The following SUGCT variants were observed in gnomAD, a reference collection of about 807,000 sequenced individuals.
SUGCT encodes succinyl-CoA:glutarate-CoA transferase.
In SUGCT, 41 loss-of-function variants were observed where a neutral mutation model predicts 55.0. The observed-to-expected ratio is 0.74, with a 90% CI of 0.58 to 0.97. The LOEUF is 0.97. Ranked by LOEUF, SUGCT falls within the 50% of genes least tolerant of loss-of-function variation. SUGCT has a pLI of 0.00. For missense variants in SUGCT, 568 were observed against 547.8 expected (o/e 1.04, Z -0.37); for synonymous variants, 187 against 200.4 (o/e 0.93, Z 0.56).
the SUGCT span, among the ~76,000 whole-genome samples, chr7:40,884,901 T>C: frequency 1.3e-5 from 2 of 152,196 alleles, no homozygotes; most frequent in African/African-American, 4.8e-5. Context: ...GTCATAGTGG[T>C]TAAGAGCAGA....
intron 7 of SUGCT, among the ~76,000 whole-genome samples, chr7:40,245,924 G>T (rs1789843702): frequency 6.6e-6 from 1 of 151,782 alleles, no homozygotes; most frequent in Non-Finnish European, 1.5e-5. Flanking sequence ...GCTCACTGCA[G>T]TCTGGGCTGA....
chr7:40,160,521 GC>G (rs1784093582), intron 1 of SUGCT, among the ~76,000 whole-genome samples: 1 of 152,134 alleles, frequency 6.6e-6, no homozygotes, highest in Non-Finnish European at 1.5e-5. Flanking sequence ...GAGCCACCAT[GC>G]CCAGATGAAA....
intron 1 of SUGCT, among the ~76,000 whole-genome samples, chr7:40,151,410 G>C (rs1291490498): frequency 1.3e-5 from 2 of 152,178 alleles, no homozygotes; most frequent in African/African-American, 2.4e-5. Flanking sequence ...CTTTTCACTG[G>C]CTTCAGCTGC....
chr7:40,338,977 C>T (rs1240094429), intron 9 of SUGCT, among the ~76,000 whole-genome samples: 1 of 152,242 alleles, frequency 6.6e-6, no homozygotes, highest in Non-Finnish European at 1.5e-5. Context: ...TCAGGATCCT[C>T]AGCTGCAGGT....
the SUGCT span, among the ~76,000 whole-genome samples, chr7:40,914,263 TA>T: frequency 4.5e-5 from 6 of 133,524 alleles, no homozygotes; most frequent in African/African-American, 1.6e-4. Context: ...TTTATTTATT[TA>T]TTTTTTTCTT....
intron 7 of SUGCT, among the ~76,000 whole-genome samples, chr7:40,257,195 C>CTGT (rs1790868440): frequency 6.6e-6 from 1 of 152,160 alleles, no homozygotes. Flanking sequence ...AGGCATGTGC[C>CTGT]ACCACACTTG....
At chr7:40,951,359 A>G in the SUGCT span, among the ~76,000 whole-genome samples, 1 of 151,628 alleles carries the variant, frequency 6.6e-6, no homozygotes, top group Admixed American at 6.6e-5. Flanking sequence ...CTTCTTTATT[A>G]GTCTTGCTAG....
chr7:40,667,288 A>T (rs1449232436), intron 12 of SUGCT, among the ~76,000 whole-genome samples: 2 of 152,184 alleles, frequency 1.3e-5, no homozygotes, highest in African/African-American at 4.8e-5. Flanking sequence ...CTTGCATCCT[A>T]GGAATAAAGC....
chr7:40,194,343 C>T (rs971822206), intron 5 of SUGCT, among the ~76,000 whole-genome samples: 4 of 152,140 alleles, frequency 2.6e-5, no homozygotes, highest in African/African-American at 9.7e-5. Context: ...CTCATTGCAG[C>T]CTCAATTTAC....
chr7:40,993,352 A>G, the SUGCT span, among the ~76,000 whole-genome samples: 1 of 152,174 alleles, frequency 6.6e-6, no homozygotes, highest in Non-Finnish European at 1.5e-5. Context: ...TATGGGAGGT[A>G]AAGGAGATGC....
intron 1 of SUGCT, among the ~76,000 whole-genome samples, chr7:40,159,542 T>C (rs1784050922): frequency 6.6e-6 from 1 of 152,092 alleles, no homozygotes; most frequent in South Asian, 2.1e-4. Context: ...GGCTAATTTT[T>C]CTTATTTTAG....
chr7:40,153,243 G>T, intron 1 of SUGCT: 1 of 399,940 alleles, frequency 2.5e-6, no homozygotes. Flanking sequence ...GCATCTTGCA[G>T]AGATGAGACT....
intron 12 of SUGCT, among the ~76,000 whole-genome samples, chr7:40,707,232 CTT>C (rs75832510): frequency 9.8e-5 from 13 of 132,900 alleles, no homozygotes; most frequent in African/African-American, 8.4e-5. Context: ...GCAAAATCTA[CTT>C]TTTTTTTTTT....
At chr7:40,410,852 G>A (rs4640968) in intron 9 of SUGCT, among the ~76,000 whole-genome samples, 105,276 of 151,986 alleles carry the variant, frequency 0.69, 36,859 homozygotes, top group East Asian at 0.99. Flanking sequence ...ATCTAGGCCA[G>A]TCTGACTTTT....
intron 1 of SUGCT, among the ~76,000 whole-genome samples, chr7:40,180,565 C>G (rs543571691): frequency 1.3e-5 from 2 of 151,998 alleles, no homozygotes; most frequent in East Asian, 3.9e-4. Context: ...TCTCAACTCA[C>G]TGCAACCTCT....
At chr7:40,836,481 G>A (rs12538949) in intron 13 of SUGCT, among the ~76,000 whole-genome samples, 37,580 of 151,932 alleles carry the variant, frequency 0.25, 5,674 homozygotes, top group East Asian at 0.8. Flanking sequence ...TGTGGTGAGC[G>A]TGTGTGTTTA....
chr7:40,150,850 A>C (rs388354), intron 1 of SUGCT, among the ~76,000 whole-genome samples: 101,320 of 152,066 alleles, frequency 0.67, 34,884 homozygotes, highest in African/African-American at 0.85. Context: ...GCAAGGTGAA[A>C]CCCTTGGGCA....
chr7:40,263,812 A>C (rs6952342), intron 7 of SUGCT, among the ~76,000 whole-genome samples: 1 of 152,184 alleles, frequency 6.6e-6, no homozygotes, highest in East Asian at 1.9e-4. Context: ...GTCCACCTGC[A>C]ATGAAGATCA....
rs532866576 is a variant in SUGCT at position 40,446,333 on chromosome 7, C to CT, written c.817-2954_817-2953insT. Among the ~76,000 whole-genome samples the CT allele has an allele frequency of 2.1e-3, 316 of 152,040 alleles. 2 individuals carry two copies. The highest frequency in any genetic ancestry group is 7.3e-3 in the African/African-American group (302 of 41,452). ...TGTTACTTCACATTTACTTATTCGC[C>CT]CCCCATCTCACCCTTCTCCACAAAA... is the stretch of plus-strand genomic sequence containing the variant. On this transcript the variant is annotated intron_variant, in intron 9 of 13. Coordinates refer to ENST00000335693, the MANE Select transcript of SUGCT (RefSeq NM_001193313.2).
Sources: gnomAD v4.1 joint callset for allele counts (sites outside exome capture counted in the v4.1 genomes callset) on GRCh38, gnomAD v4.1.1 for gene constraint, MANE v1.5 for transcripts, NCBI Gene and HGNC (gene_info 2026-07-23, HGNC 2026-07-21) for gene names.